The following RASGRP1 variants were observed in gnomAD, a reference collection of about 807,000 sequenced individuals.
RASGRP1 encodes the protein RAS guanyl releasing protein 1.
Under a neutral mutation model 95.1 loss-of-function variants are expected in RASGRP1, and 37 were observed. The observed-to-expected ratio is 0.39, with a 90% CI of 0.30 to 0.51. RASGRP1 has a LOEUF of 0.51. Ranked by LOEUF, RASGRP1 falls within the 20% of genes least tolerant of loss-of-function variation. The pLI, the probability that RASGRP1 is intolerant of heterozygous loss-of-function variation, is 0.80. For synonymous variants in RASGRP1, 325 were observed against 353.4 expected (o/e 0.92, Z 0.90); for missense variants, 711 against 965.4 (o/e 0.74, Z 3.49).
At position 38,508,014 on chromosome 15, in the gene RASGRP1, A is replaced by G; in HGVS notation, c.967-13T>C. The G allele has an allele frequency of 6.3e-7, 1 of 1,593,460 alleles. No individual in the cohort carries two copies. The highest frequency in any genetic ancestry group is 8.5e-7 in the Non-Finnish European group (1 of 1,170,170). On this transcript the variant is annotated splice_polypyrimidine_tract_variant and intron_variant, in intron 8 of 16. Transcript: ENST00000310803. ...TCTCACCGAGAACCTACAAAGCAGA[A>G]CAGACCAATCACAGGTACCCGCTAG... is the stretch of plus-strand genomic sequence containing the variant.
intron 2 of RASGRP1, among the ~76,000 whole-genome samples, chr15:38,538,006 G>A (rs1432310001): frequency 6.6e-6 from 1 of 152,232 alleles, no homozygotes; most frequent in Admixed American, 6.5e-5. Flanking sequence ...GCTCATGCCT[G>A]TAATCCCAGC....
Position 38,496,175 on chromosome 15 carries a change from C to T in RASGRP1, c.1874-1408G>A, listed in dbSNP as rs75895101. Among the ~76,000 whole-genome samples the T allele has an allele frequency of 8.3e-3, 1,257 of 152,102 alleles. 17 individuals carry two copies. Among genetic ancestry groups the T allele is most frequent in the African/African-American group, 0.029 (1,194 of 41,472 alleles). ...TGATTTGATAAGCAGAAACCATCCC[C>T]GATAATAATGAGATAGAAATAACTA... is the stretch of plus-strand genomic sequence containing the variant. On this transcript the variant is annotated intron_variant, in intron 15 of 16. Transcript: ENST00000310803.
intron 3 of RASGRP1, among the ~76,000 whole-genome samples, chr15:38,521,902 A>C (rs1329388854): frequency 6.6e-6 from 1 of 152,212 alleles, no homozygotes; most frequent in Admixed American, 6.5e-5. Flanking sequence ...AAAGAAAGAA[A>C]ATAATTTTGC....
chr15:38,551,119 T>C lies in RASGRP1; in HGVS notation c.220+8702A>G, dbSNP rs144034510. Among the ~76,000 whole-genome samples, 228 of 152,338 alleles carry C rather than the reference T, an allele frequency of 1.5e-3. 1 individual carries two copies. Among genetic ancestry groups the C allele is most frequent in the Middle Eastern group, 0.014 (4 of 294 alleles). On this transcript the variant is annotated intron_variant, in intron 2 of 16. Coordinates refer to ENST00000310803, the MANE Select transcript of RASGRP1 (RefSeq NM_005739.4). ...CTAGTGGTTGATCTTATGTATATCT[T>C]ACCACAAAGTCTATGTAAGAACAAG...
intron 2 of RASGRP1, among the ~76,000 whole-genome samples, chr15:38,557,201 C>T (rs1893594873): frequency 6.6e-6 from 1 of 152,202 alleles, no homozygotes; most frequent in Non-Finnish European, 1.5e-5. Context: ...TTTTCTCCCT[C>T]ATAAAGTCTG....
chr15:38,516,469 G>A, intron 5 of RASGRP1, 119 bp from the exon 6 acceptor site: 2 of 1,264,944 alleles, frequency 1.6e-6, no homozygotes, highest in South Asian at 1.3e-5. Flanking sequence ...AACTTTCCTT[G>A]TGAATGCCAA....
rs766327565 is a variant in RASGRP1, at chr15:38,516,359, G to A, written c.522-9C>T. On this transcript the variant is annotated splice_polypyrimidine_tract_variant and intron_variant, in intron 5 of 16. Transcript: ENST00000310803. ...ACCAGTCACGGGCATTGCTTTTGTG[G>A]GTAAATGTGAAAGGGAGAAGACAGG... 12 of 1,606,932 alleles carry A rather than the reference G, an allele frequency of 7.5e-6. No homozygotes were observed. Among genetic ancestry groups the A allele is most frequent in the Non-Finnish European group, 1.0e-5 (12 of 1,173,680 alleles).
At chr15:38,502,528 C>T (rs1891075980) in intron 11 of RASGRP1, 107 bp from the exon 12 acceptor site, 1 of 678,688 alleles carries the variant, frequency 1.5e-6, no homozygotes, top group East Asian at 2.7e-5. Flanking sequence ...CTTTTAACAA[C>T]CTGAACGAGA....
At chr15:38,554,972 G>T (rs1013312790) in intron 2 of RASGRP1, among the ~76,000 whole-genome samples, 1 of 152,334 alleles carries the variant, frequency 6.6e-6, no homozygotes, top group East Asian at 1.9e-4. Flanking sequence ...TATTAGGTCT[G>T]CATCCCCAAT....
chr15:38,519,429 A>C, intron 3 of RASGRP1, 58 bp from the exon 4 acceptor site: 1 of 1,280,520 alleles, frequency 7.8e-7, no homozygotes, highest in South Asian at 1.3e-5. Context: ...ACGACTTTTC[A>C]TCTTTGGAAG....
In RASGRP1 at chr15:38,507,736, T is replaced by C. The variant is rs1161733169; in HGVS notation, c.1232A>G (p.His411Arg). 3 of 1,566,898 alleles carry C rather than the reference T, an allele frequency of 1.9e-6. No homozygotes were observed. The highest frequency in any genetic ancestry group is 2.6e-6 in the Non-Finnish European group (3 of 1,155,196). Residue 411 changes from histidine to arginine, a missense_variant, in exon 9 of 17, where the codon CAC becomes CGC. Around this residue, in one of 3 missense-constraint regions of RASGRP1, gnomAD observed 491 missense variants for 676.6 expected, o/e 0.73. Coordinates refer to ENST00000310803, the MANE Select transcript of RASGRP1 (RefSeq NM_005739.4). ...PPLEANKDLVHLLTLSLDLYY... is the reference protein window; with the variant it reads ...PPLEANKDLVRLLTLSLDLYY... ...CAGTGTGAGCCTCACCGTCAGCAAG[T>C]GTACCAAGTCCTTGTTAGCCTCCAA... is the stretch of plus-strand genomic sequence containing the variant.
At position 38,507,705 on chromosome 15, in the gene RASGRP1, G is replaced by A. The variant is rs1200354387; in HGVS notation, c.1242+21C>T. 15 of 1,550,210 alleles carry A rather than the reference G, an allele frequency of 9.7e-6. No individual in the cohort carries two copies. In the East Asian group the frequency reaches 3.7e-4, roughly 38 times the overall value. Reference sequence around the variant, plus strand: ...GGCACACAGAAAGTGCTTAGTAATTGTCCTCCAGTGTGAGCCTCACCGTCA... The same window carrying A: ...GGCACACAGAAAGTGCTTAGTAATTATCCTCCAGTGTGAGCCTCACCGTCA... On this transcript the variant is annotated intron_variant, in intron 9 of 16. Transcript: ENST00000310803.
chr15:38,508,826 C>G (rs577330253), intron 8 of RASGRP1, among the ~76,000 whole-genome samples: 15 of 152,312 alleles, frequency 9.8e-5, no homozygotes, highest in African/African-American at 3.6e-4. Context: ...TGAGTGATAA[C>G]CAGCTTTCTC....
In RASGRP1 at chr15:38,559,927, A is replaced by G. The variant is rs1318642353; in HGVS notation, c.114T>C (p.His38=). ...AKPANSPFPS[H]PSLAHITQFR... ...ACTGGGTGATGTGGGCCAAGCTGGGATGGGAGGGGAAGGGGCTGTTGGCTG... is the reference window on the plus strand; with the variant it reads ...ACTGGGTGATGTGGGCCAAGCTGGGGTGGGAGGGGAAGGGGCTGTTGGCTG... Residue 38 remains histidine (H), a synonymous_variant, in exon 2 of 17, where the codon CAT becomes CAC. Transcript: ENST00000310803. 1 of 1,613,554 alleles carries G rather than the reference A, an allele frequency of 6.2e-7. No homozygotes were observed. The highest frequency in any genetic ancestry group is 1.7e-5 in the Admixed American group (1 of 60,008).
intron 8 of RASGRP1, among the ~76,000 whole-genome samples, chr15:38,509,839 A>T (rs1891428494): frequency 6.6e-6 from 1 of 152,186 alleles, no homozygotes; most frequent in Non-Finnish European, 1.5e-5. Context: ...ACCTCAGATA[A>T]GGGGGACTAC....
At chr15:38,492,612 T>TCC (rs1890632055) in intron 16 of RASGRP1, among the ~76,000 whole-genome samples, 2 of 152,166 alleles carry the variant, frequency 1.3e-5, no homozygotes, top group South Asian at 4.1e-4. Flanking sequence ...TGAATAGTAG[T>TCC]GTTGATATTA....
chr15:38,556,609 A>G (rs1893563208), intron 2 of RASGRP1, among the ~76,000 whole-genome samples: 1 of 152,242 alleles, frequency 6.6e-6, no homozygotes, highest in Admixed American at 6.5e-5. Context: ...CTTTTTTGCA[A>G]CAATGGAAGT....
intron 15 of RASGRP1, among the ~76,000 whole-genome samples, chr15:38,496,139 A>G (rs1890783642): frequency 6.6e-6 from 1 of 152,198 alleles, no homozygotes; most frequent in African/African-American, 2.4e-5. Context: ...AAAAGAAATC[A>G]CTGGAAATTT....
rs568294671 is a variant in RASGRP1, at chr15:38,501,384, T to C, written c.1539-97A>G. 2.4e-4 allele frequency: 340 copies of C among 1,400,136 alleles called. 4 individuals carry two copies. The African/African-American group carries it at 4.7e-3, about 19-fold the overall frequency. 86.7% of individuals were successfully genotyped at this position (1,400,136 alleles called of 1,614,324 possible). On this transcript the variant is annotated intron_variant, in intron 12 of 16. Transcript: ENST00000310803. Reference sequence around the variant, plus strand: ...AGCCTTAGAAACTCACCTTTCTTTTTATCCTCAGTGGTAATATGGTATGTG... The same window carrying C: ...AGCCTTAGAAACTCACCTTTCTTTTCATCCTCAGTGGTAATATGGTATGTG...
Sources: allele counts gnomAD v4.1 joint callset (sites outside exome capture counted in the v4.1 genomes callset), GRCh38; gene constraint gnomAD v4.1.1; regional missense constraint gnomAD v4.1.1; transcripts MANE v1.5; gene names NCBI Gene and HGNC (gene_info 2026-07-23, HGNC 2026-07-21).